DCDC1: variants seen among roughly 807,000 people sequenced by gnomAD.
DCDC1 encodes doublecortin domain-containing protein 1.
DCDC1 carries 200 observed loss-of-function variants against 178.3 expected under a neutral mutation model. The observed-to-expected ratio is 1.12, with a 90% CI of 1.00 to 1.26. DCDC1 has a LOEUF of 1.26. Ranked by LOEUF, DCDC1 falls within the 50% of genes most tolerant of loss-of-function variation. The probability of loss-of-function intolerance (pLI) is 0.00; values close to 1 mark genes in which losing one functional copy is unlikely to be tolerated. For missense variants in DCDC1, 1,983 were observed against 1,749.2 expected, an observed-to-expected ratio of 1.13 and a Z score of -2.38; for synonymous variants, 690 against 604.8, an observed-to-expected ratio of 1.14 and a Z score of -2.07.
intron 9 of DCDC1, among the ~76,000 whole-genome samples, chr11:31,234,805 A>G (rs1374360959): frequency 6.6e-6 from 1 of 152,120 alleles, no homozygotes; most frequent in East Asian, 1.9e-4. Context: ...CCAGCTGAAG[A>G]CTCAGCATGA....
intron 36 of DCDC1, among the ~76,000 whole-genome samples, chr11:30,888,118 GAA>G (rs879432091): frequency 1.0e-4 from 14 of 133,488 alleles, no homozygotes; most frequent in South Asian, 2.3e-4. Context: ...AAGAAAGAAA[GAA>G]AGAAAGAAAG....
intron 9 of DCDC1, among the ~76,000 whole-genome samples, chr11:31,226,950 A>G (rs1463930487): frequency 6.6e-6 from 1 of 152,112 alleles, no homozygotes; most frequent in African/African-American, 2.4e-5. Flanking sequence ...ATAGACGACA[A>G]CAGTGGCACA....
chr11:31,123,478 G>A (rs1314190715), intron 11 of DCDC1, among the ~76,000 whole-genome samples: 2 of 151,908 alleles, frequency 1.3e-5, no homozygotes, highest in Non-Finnish European at 2.9e-5. Flanking sequence ...CTCCAAGCTG[G>A]TAGAAGTTAG....
intron 7 of DCDC1, among the ~76,000 whole-genome samples, chr11:31,283,849 C>T (rs1946626870): frequency 6.6e-6 from 1 of 152,036 alleles, no homozygotes; most frequent in Admixed American, 6.6e-5. Flanking sequence ...CAAATAGCTC[C>T]CTCTTATGGT....
intron 10 of DCDC1, among the ~76,000 whole-genome samples, chr11:31,131,292 A>T (rs191053588): frequency 1.3e-5 from 2 of 152,196 alleles, no homozygotes; most frequent in African/African-American, 2.4e-5. Context: ...GAAGGGAAGA[A>T]AGAGAAAGAA....
At chr11:31,166,362 TG>T (rs1269170657) in intron 9 of DCDC1, among the ~76,000 whole-genome samples, 2 of 152,152 alleles carry the variant, frequency 1.3e-5, no homozygotes, top group African/African-American at 4.8e-5. Flanking sequence ...TGAAACAAAC[TG>T]AAATACGAAA....
intron 1 of DCDC1, 106 bp downstream of exon 1, chr11:31,369,591 G>T (rs1202367339): frequency 6.5e-6 from 1 of 152,866 alleles, no homozygotes; most frequent in East Asian, 1.9e-4. Flanking sequence ...GGGATGGCGA[G>T]GGGGTGCTCG....
In DCDC1 at chr11:31,022,987, G is replaced by C. The variant is rs1952985835; in HGVS notation, c.2591+41482C>G. On this transcript the variant is annotated intron_variant, in intron 20 of 38. Transcript: ENST00000684477. ...CAACCTTTCAGTGAACTAAGAAGAGGTTCCTTGAGTCACTCAAAGTGTGAG... is the reference window on the plus strand; with the variant it reads ...CAACCTTTCAGTGAACTAAGAAGAGCTTCCTTGAGTCACTCAAAGTGTGAG... Among the ~76,000 whole-genome samples the C allele has an allele frequency of 2.0e-5, 3 of 151,980 alleles. No homozygotes were observed. The South Asian group carries it at 6.2e-4, about 31-fold the overall frequency.
At chr11:31,257,655 C>T (rs761416490) in intron 8 of DCDC1, among the ~76,000 whole-genome samples, 9 of 150,756 alleles carry the variant, frequency 6.0e-5, no homozygotes, top group Non-Finnish European at 1.0e-4. Flanking sequence ...AAAAATGGTA[C>T]GCATCTGACC....
At position 31,077,907 on chromosome 11, in the gene DCDC1, A is replaced by G; in HGVS notation, c.2256T>C (p.Ser752=). 2.6e-6 allele frequency: 2 copies of G among 766,266 alleles called. No homozygotes were observed. The highest frequency in any genetic ancestry group is 4.8e-6 in the Non-Finnish European group (2 of 417,782). 47.5% of individuals were successfully genotyped at this position (766,266 alleles called of 1,614,324 possible). Residue 752 remains serine (S), a synonymous_variant, in exon 18 of 39, where the codon TCT becomes TCC. Transcript: ENST00000684477. Reference sequence around the variant, plus strand: ...CATCAGTTCCAAACACCCACTTCTGAGAGTCATCTCCACTATGTCTGTAAC... The same window carrying G: ...CATCAGTTCCAAACACCCACTTCTGGGAGTCATCTCCACTATGTCTGTAAC... ...ILQKRHSGDD[S]QKWVFGTDGC...
At chr11:30,973,842 AT>A (rs1949949976) in intron 20 of DCDC1, among the ~76,000 whole-genome samples, 2 of 152,190 alleles carry the variant, frequency 1.3e-5, no homozygotes, top group African/African-American at 2.4e-5. Context: ...TAGATAGAAA[AT>A]TAAGAAAGAA....
chr11:30,924,104 G>A (rs911369624), intron 23 of DCDC1, among the ~76,000 whole-genome samples: 1 of 152,058 alleles, frequency 6.6e-6, no homozygotes, highest in Non-Finnish European at 1.5e-5. Flanking sequence ...TTGCCATGGT[G>A]GCCTCATCTA....
intron 1 of DCDC1, among the ~76,000 whole-genome samples, chr11:31,358,003 C>T (rs893246510): frequency 2.0e-5 from 3 of 152,032 alleles, no homozygotes; most frequent in African/African-American, 4.8e-5. Context: ...GTGAAAATGG[C>T]CATACTGCCC....
At chr11:31,288,897 G>T (rs979282241) in intron 7 of DCDC1, among the ~76,000 whole-genome samples, 1 of 151,806 alleles carries the variant, frequency 6.6e-6, no homozygotes. Flanking sequence ...TGACACCCAA[G>T]ATCAGCATTT....
rs1308069680 is a variant in DCDC1, at chr11:31,369,100, G to T, written c.-125+597C>A. ...AGCTGCCCTGGGAATGTGTAGACTTGCTGAGTCCTTGTTCTGCCCCTACCC... is the reference window on the plus strand; with the variant it reads ...AGCTGCCCTGGGAATGTGTAGACTTTCTGAGTCCTTGTTCTGCCCCTACCC... On this transcript the variant is annotated intron_variant, in intron 1 of 38. Transcript: ENST00000684477. Among the ~76,000 whole-genome samples the T allele has an allele frequency of 2.6e-5, 4 of 152,166 alleles. No individual in the cohort carries two copies. The East Asian group carries it at 5.8e-4, about 22-fold the overall frequency.
intron 22 of DCDC1, among the ~76,000 whole-genome samples, chr11:30,927,433 A>G (rs4067985): frequency 0.47 from 71,713 of 151,992 alleles, 18,312 homozygotes; most frequent in Middle Eastern, 0.6. Flanking sequence ...GAAAAACACC[A>G]AAAACCTCCA....
At chr11:30,945,667 G>A (rs532602399) in intron 21 of DCDC1, among the ~76,000 whole-genome samples, 6 of 151,906 alleles carry the variant, frequency 3.9e-5, no homozygotes, top group South Asian at 4.2e-4. Flanking sequence ...CACTTCAGCC[G>A]GGGTAACAAG....
intron 1 of DCDC1, among the ~76,000 whole-genome samples, chr11:31,342,813 T>TA (rs1274247446): frequency 2.6e-5 from 4 of 152,196 alleles, no homozygotes; most frequent in Non-Finnish European, 5.9e-5. Flanking sequence ...ATCCAATTAT[T>TA]AAAAAAACGA....
chr11:31,016,311 A>G (rs1952483302), intron 20 of DCDC1, among the ~76,000 whole-genome samples: 1 of 152,228 alleles, frequency 6.6e-6, no homozygotes, highest in Non-Finnish European at 1.5e-5. Flanking sequence ...GAGTCCCCTC[A>G]GATAACATGA....
Sources: allele counts gnomAD v4.1 joint callset (sites outside exome capture counted in the v4.1 genomes callset), GRCh38; gene constraint gnomAD v4.1.1; transcripts MANE v1.5; gene names NCBI Gene and HGNC (gene_info 2026-07-23, HGNC 2026-07-21).